TEX35: variants seen among roughly 807,000 people sequenced by gnomAD.
TEX35 encodes the protein testis-expressed protein 35.
TEX35 carries 26 observed loss-of-function variants against 31.9 expected under a neutral mutation model. The observed-to-expected ratio is 0.81, with a 90% confidence interval of 0.60 to 1.13. TEX35 has a LOEUF of 1.13. Among genes scored for constraint, TEX35 ranks in the 50% most tolerant of loss-of-function variants. The pLI, the probability that TEX35 is intolerant of heterozygous loss-of-function variation, is 0.00. For synonymous variants in TEX35, 87 were observed against 90.7 expected, an observed-to-expected ratio of 0.96 and a Z score of 0.23; for missense variants, 278 against 273.5, an observed-to-expected ratio of 1.02 and a Z score of -0.12.
intron 3 of TEX35, 89 bp downstream of exon 3, chr1:178,514,857 CA>C: frequency 9.2e-7 from 1 of 1,081,840 alleles, no homozygotes; most frequent in South Asian, 1.4e-5. Flanking sequence ...TTCCTAAATA[CA>C]AGAATATCCT....
At chr1:178,518,820 G>A (rs916569605) in intron 5 of TEX35, among the ~76,000 whole-genome samples, 2 of 152,166 alleles carry the variant, frequency 1.3e-5, no homozygotes, top group Non-Finnish European at 2.9e-5. Context: ...GTATGGAAAG[G>A]CACAAAGGAG....
At chr1:178,523,245 T>G, downstream of TEX35, 1 of 697,642 alleles carries the variant, frequency 1.4e-6, no homozygotes, top group Non-Finnish European at 2.6e-6. Flanking sequence ...TGAACAGTGA[T>G]GCAACAAATG....
intron 7 of TEX35, 127 bp downstream of exon 7, chr1:178,521,001 GCCGCCCGAGCCTGCGCCCTCCCTGA>G: frequency 6.5e-7 from 1 of 1,540,196 alleles, no homozygotes; most frequent in Non-Finnish European, 8.7e-7. Flanking sequence ...ACTTCTGGGT[GCCGCCCGAGCCTGCGCCCTCCCTGA>G]CCTGCCTTGC....
chr1:178,521,713 CA>C (rs1379465577), intron 8 of TEX35: 1 of 1,551,868 alleles, frequency 6.4e-7, no homozygotes, highest in South Asian at 1.2e-5. Context: ...TCATCACCTC[CA>C]AGCTCCTTAA....
In TEX35 at chr1:178,521,275, T is replaced by C. The variant is rs1248724126; in HGVS notation, c.586+11T>C. On this transcript the variant is annotated intron_variant, in intron 8 of 8. Coordinates refer to ENST00000319416, the MANE Select transcript of TEX35 (RefSeq NM_032126.5). ...ACAACTACAATCGGGGTAGGTAGAT[T>C]CATACAAGATGTGCCTTTTCTCGAT... 6.2e-7 allele frequency: 1 copy of C among 1,614,164 alleles called. No individual in the cohort carries two copies. The highest frequency in any genetic ancestry group is 1.7e-5 in the Admixed American group (1 of 60,028).
At chr1:178,520,924 C>T (rs1256953434) in intron 7 of TEX35, 50 bp downstream of exon 7, 6 of 1,605,932 alleles carry the variant, frequency 3.7e-6, no homozygotes, top group Admixed American at 1.7e-5. Flanking sequence ...CCCCTGGCTC[C>T]GGCTCCCTGG....
At chr1:178,517,583 C>G (rs1650126868) in intron 5 of TEX35, among the ~76,000 whole-genome samples, 1 of 152,204 alleles carries the variant, frequency 6.6e-6, no homozygotes, top group African/African-American at 2.4e-5. Context: ...GTCAGAAGCT[C>G]TTAGAATGAG....
chr1:178,521,529 C>T (rs1650277079), intron 8 of TEX35: 1 of 1,297,582 alleles, frequency 7.7e-7, no homozygotes, highest in Non-Finnish European at 1.1e-6. Flanking sequence ...CTGACCTTGC[C>T]TCAGGTCCTG....
At chr1:178,519,632 CAATT>C (rs1650196543) in intron 5 of TEX35, among the ~76,000 whole-genome samples, 2 of 152,150 alleles carry the variant, frequency 1.3e-5, no homozygotes, top group Non-Finnish European at 2.9e-5. Context: ...TATAGTACAT[CAATT>C]AAACTGTTAC....
intron 1 of TEX35, 103 bp from the exon 2 acceptor site, chr1:178,513,924 T>C: frequency 7.3e-7 from 1 of 1,377,624 alleles, no homozygotes; most frequent in Non-Finnish European, 1.0e-6. Flanking sequence ...CAGGGTTGCA[T>C]GGTTGTGGGG....
At chr1:178,518,805 G>A (rs748820180) in intron 5 of TEX35, among the ~76,000 whole-genome samples, 1 of 152,282 alleles carries the variant, frequency 6.6e-6, no homozygotes, top group South Asian at 2.1e-4. Flanking sequence ...TGGTGGGGAG[G>A]CTGGGTATGG....
In TEX35 at chr1:178,522,313, C is replaced by T. The variant is rs764495824; in HGVS notation, c.587-12C>T. 6.4e-7 allele frequency: 1 copy of T among 1,574,006 alleles called. No homozygotes were observed. The highest frequency in any genetic ancestry group is 8.6e-7 in the Non-Finnish European group (1 of 1,157,570). Reference sequence around the variant, plus strand: ...CCTTGAAGGTTTCCTCTCCCTCCCTCCACCCCCAAAGGGAACATTCCTTCA... The same window carrying T: ...CCTTGAAGGTTTCCTCTCCCTCCCTTCACCCCCAAAGGGAACATTCCTTCA... On this transcript the variant is annotated splice_polypyrimidine_tract_variant and intron_variant, in intron 8 of 8. Transcript: ENST00000319416.
At chr1:178,517,289 A>G (rs1465195573) in intron 5 of TEX35, among the ~76,000 whole-genome samples, 1 of 152,260 alleles carries the variant, frequency 6.6e-6, no homozygotes, top group African/African-American at 2.4e-5. Context: ...GAAATGGGAT[A>G]GATAACGCCT....
At chr1:178,522,162 C>A (rs1650310701) in intron 8 of TEX35, 163 bp from the exon 9 acceptor site, 1 of 990,550 alleles carries the variant, frequency 1.0e-6, no homozygotes, top group Non-Finnish European at 1.4e-6. Flanking sequence ...GCAGGGAACC[C>A]CTCAGCCTCG....
chr1:178,520,858 A>G lies in TEX35; in HGVS notation c.527A>G (p.His176Arg), dbSNP rs575322146. Residue 176 changes from histidine to arginine, a missense_variant, in exon 7 of 9, where the codon CAC becomes CGC. Physicochemically the swap from His to Arg is conservative, Grantham distance 29. Coordinates refer to ENST00000319416, the MANE Select transcript of TEX35 (RefSeq NM_032126.5). ...TKQGSLDPLH[H>R]CGTCCEKCLL... ...CAGGGCTCACTGGATCCCCTTCATC[A>G]CTGTGGGACCTGCTGCGTAAGTGAA... 1.6e-5 allele frequency: 26 copies of G among 1,614,124 alleles called. No homozygotes were observed. In the African/African-American group the frequency reaches 3.2e-4, roughly 20 times the overall value.
chr1:178,518,161 CA>C (rs1650147700), intron 5 of TEX35, among the ~76,000 whole-genome samples: 1 of 152,098 alleles, frequency 6.6e-6, no homozygotes, highest in Admixed American at 6.5e-5. Flanking sequence ...GGCCTGACCT[CA>C]TAATTAAATA....
chr1:178,518,644 C>T (rs368881959), intron 5 of TEX35, among the ~76,000 whole-genome samples: 13 of 152,060 alleles, frequency 8.5e-5, no homozygotes, highest in East Asian at 5.8e-4. Flanking sequence ...AGAAAAAAGA[C>T]TGGAAAGAAA....
chr1:178,522,582 G>A lies in TEX35; in HGVS notation c.*142G>A, dbSNP rs1260913769. On this transcript the variant is annotated 3_prime_UTR_variant, in exon 9 of 9. Coordinates refer to ENST00000319416, the MANE Select transcript of TEX35 (RefSeq NM_032126.5). ...GGATTTCATATTTTATTTCACACCA[G>A]TTCCTCCTTGTTTCATCTCTTTGCT... The A allele has an allele frequency of 3.0e-6, 4 of 1,332,346 alleles. No individual in the cohort carries two copies. The South Asian group carries it at 6.9e-5, about 23-fold the overall frequency. The allele number at this position is 1,332,346 out of a possible 1,614,324, so 82.5% of individuals were successfully genotyped here.
At chr1:178,516,063 A>G (rs374136509) in intron 4 of TEX35, 148 bp downstream of exon 4, 2 of 685,580 alleles carry the variant, frequency 2.9e-6, no homozygotes, top group African/African-American at 1.8e-5. Context: ...GTATTAGGTT[A>G]TTCACTTCTT....
Sources: gnomAD v4.1 joint callset for allele counts (sites outside exome capture counted in the v4.1 genomes callset) on GRCh38, gnomAD v4.1.1 for gene constraint, MANE v1.5 for transcripts, NCBI Gene and HGNC (gene_info 2026-07-23, HGNC 2026-07-21) for gene names.